The following COX10 variants were observed in gnomAD, a reference collection of about 807,000 sequenced individuals.
The protein encoded by COX10 is cytochrome c oxidase assembly factor heme A:farnesyltransferase COX10, also known as protoheme IX farnesyltransferase, mitochondrial.
COX10 carries 27 observed loss-of-function variants against 37.3 expected under a neutral mutation model. The observed-to-expected ratio is 0.72, with a 90% confidence interval of 0.53 to 1.00. COX10 has a LOEUF of 1.00. COX10 is among the 50% of genes least tolerant of loss of function. COX10 has a pLI of 0.00. For missense variants in COX10, 475 were observed against 563.2 expected (o/e 0.84, Z 1.59); for synonymous variants, 222 against 229.1 (o/e 0.97, Z 0.28).
chr17:14,080,840 G>A (rs1024921129), intron 3 of COX10, among the ~76,000 whole-genome samples: 3 of 150,020 alleles, frequency 2.0e-5, no homozygotes, highest in Non-Finnish European at 3.0e-5. Context: ...GTTTTATTTT[G>A]CCCCATGGAG....
intron 5 of COX10, among the ~76,000 whole-genome samples, chr17:14,164,978 G>A (rs990872349): frequency 6.6e-6 from 1 of 152,148 alleles, no homozygotes; most frequent in Non-Finnish European, 1.5e-5. Flanking sequence ...TGCCCCAACA[G>A]AATTATTGAT....
Position 14,130,525 on chromosome 17 carries a change from C to T in COX10, c.624+28283C>T, listed in dbSNP as rs1041010186. ...ATTAGGTGTTTGGCTTATGTAATTC[C>T]ATCATCTATTTAAACTCAGCTCTTT... On this transcript the variant is annotated intron_variant, in intron 4 of 6. Coordinates refer to ENST00000261643, the MANE Select transcript of COX10 (RefSeq NM_001303.4). 1.4e-3 allele frequency among the ~76,000 whole-genome samples: 3 copies of T among 2,144 alleles called. No individual in the cohort carries two copies. The South Asian group carries it at 0.15, about 107-fold the overall frequency. The allele number at this position is 2,144 out of a possible 152,430, so 1.4% of individuals were successfully genotyped here.
intron 3 of COX10, among the ~76,000 whole-genome samples, chr17:14,098,833 T>A (rs1915708024): frequency 6.6e-6 from 1 of 152,174 alleles, no homozygotes; most frequent in African/African-American, 2.4e-5. Context: ...GTATTCTACC[T>A]TTGATTGCTG....
At chr17:14,146,939 A>G (rs1371083451) in intron 4 of COX10, among the ~76,000 whole-genome samples, 1 of 152,198 alleles carries the variant, frequency 6.6e-6, no homozygotes, top group Non-Finnish European at 1.5e-5. Context: ...CAAAACTACA[A>G]TGAGATATCA....
intron 4 of COX10, among the ~76,000 whole-genome samples, chr17:14,143,873 C>T (rs984987304): frequency 6.6e-6 from 1 of 152,006 alleles, no homozygotes; most frequent in Admixed American, 6.6e-5. Flanking sequence ...CTTGCTTTTG[C>T]TGATGATTAA....
At chr17:14,090,557 A>G (rs1237128035) in intron 3 of COX10, among the ~76,000 whole-genome samples, 4 of 152,226 alleles carry the variant, frequency 2.6e-5, no homozygotes, top group Admixed American at 6.5e-5. Context: ...ATTTTTGTTC[A>G]TAGTTACTCT....
At chr17:14,188,432 A>T (rs1199251984) in intron 5 of COX10, among the ~76,000 whole-genome samples, 2 of 149,078 alleles carry the variant, frequency 1.3e-5, no homozygotes, top group African/African-American at 4.8e-5. Context: ...GTATGAGGGA[A>T]CTTCAAAAAG....
chr17:14,108,015 A>G (rs547458844), intron 4 of COX10, among the ~76,000 whole-genome samples: 4 of 152,248 alleles, frequency 2.6e-5, no homozygotes, highest in East Asian at 1.9e-4. Context: ...CTTTCTGACT[A>G]TGGTTAGTAG....
chr17:14,089,202 G>T (rs1392292198), intron 3 of COX10, among the ~76,000 whole-genome samples: 1 of 152,128 alleles, frequency 6.6e-6, no homozygotes, highest in Admixed American at 6.6e-5. Context: ...ACATGAAGCT[G>T]CCTGCCTCTT....
intron 4 of COX10, among the ~76,000 whole-genome samples, chr17:14,116,162 G>A (rs1226686760): frequency 6.6e-6 from 1 of 151,876 alleles, no homozygotes; most frequent in Non-Finnish European, 1.5e-5. Context: ...GTCATTTGAA[G>A]GCTTTTAAAA....
At chr17:14,204,474 C>G (rs1906635905) in intron 6 of COX10, among the ~76,000 whole-genome samples, 2 of 152,032 alleles carry the variant, frequency 1.3e-5, no homozygotes, top group East Asian at 1.9e-4. Flanking sequence ...CTCTCCTCCC[C>G]TCCTTATTTA....
intron 4 of COX10, among the ~76,000 whole-genome samples, chr17:14,147,175 T>C (rs1904745537): frequency 6.6e-6 from 1 of 151,042 alleles, no homozygotes; most frequent in Non-Finnish European, 1.5e-5. Flanking sequence ...GAAATCAGTA[T>C]ATGGAAGAGA....
At chr17:14,162,604 C>G (rs931432201) in intron 5 of COX10, among the ~76,000 whole-genome samples, 2 of 133,780 alleles carry the variant, frequency 1.5e-5, no homozygotes, top group Non-Finnish European at 3.1e-5. Context: ...ATGGATGGCA[C>G]TTTCAAAACT....
chr17:14,140,921 AATG>A (rs1347128666), intron 4 of COX10, among the ~76,000 whole-genome samples: 1 of 152,194 alleles, frequency 6.6e-6, no homozygotes, highest in Non-Finnish European at 1.5e-5. Flanking sequence ...TGATTAAGGA[AATG>A]ATGCCTCTAA....
At position 14,069,564 on chromosome 17, in the gene COX10, A is replaced by T. The variant is rs751521867; in HGVS notation, c.-42A>T. On this transcript the variant is annotated 5_prime_UTR_variant, in exon 1 of 7. Transcript: ENST00000261643. ...GGCGCCCAGCGTCCCGTGAGGAGAGAGGACACAGGGATCCCGGGGAGCGGC... is the reference window on the plus strand; with the variant it reads ...GGCGCCCAGCGTCCCGTGAGGAGAGTGGACACAGGGATCCCGGGGAGCGGC... The T allele has an allele frequency of 6.2e-7, 1 of 1,611,470 alleles. No homozygotes were observed. Among genetic ancestry groups the T allele is most frequent in the Non-Finnish European group, 8.5e-7 (1 of 1,178,402 alleles).
intron 3 of COX10, among the ~76,000 whole-genome samples, chr17:14,091,858 G>T (rs150614097): frequency 6.6e-6 from 1 of 151,824 alleles, no homozygotes; most frequent in Non-Finnish European, 1.5e-5. Flanking sequence ...ATGAAACTGA[G>T]ATAAAGCTTT....
At chr17:14,085,344 T>C (rs1326408612) in intron 3 of COX10, among the ~76,000 whole-genome samples, 1 of 152,212 alleles carries the variant, frequency 6.6e-6, no homozygotes, top group Non-Finnish European at 1.5e-5. Flanking sequence ...TCTTCCCTAA[T>C]TGGTATATCT....
At chr17:14,123,888 C>A (rs1916278485) in intron 4 of COX10, among the ~76,000 whole-genome samples, 1 of 152,136 alleles carries the variant, frequency 6.6e-6, no homozygotes, top group Non-Finnish European at 1.5e-5. Context: ...TTAAGTCAAA[C>A]CATATGATGT....
intron 5 of COX10, among the ~76,000 whole-genome samples, chr17:14,184,692 G>A (rs2260746): frequency 3.9e-5 from 6 of 152,236 alleles, no homozygotes; most frequent in Non-Finnish European, 8.8e-5. Context: ...ACAGCCCTCT[G>A]TTCTTCCACT....
Sources: allele counts gnomAD v4.1 joint callset (sites outside exome capture counted in the v4.1 genomes callset), GRCh38; gene constraint gnomAD v4.1.1; transcripts MANE v1.5; gene names NCBI Gene and HGNC (gene_info 2026-07-23, HGNC 2026-07-21).